FNBP4: variants seen among roughly 807,000 people sequenced by gnomAD.
The protein encoded by FNBP4 is formin binding protein 4.
Under a neutral mutation model 119.3 loss-of-function variants are expected in FNBP4, and 34 were observed. The observed-to-expected ratio is 0.28, with a 90% CI of 0.22 to 0.38. FNBP4 has a LOEUF of 0.38. Among genes scored for constraint, FNBP4 ranks in the 10% least tolerant of loss-of-function variants. FNBP4 has a pLI of 1.00. For missense variants in FNBP4, 1,112 were observed against 1,228.9 expected, an observed-to-expected ratio of 0.90 and a Z score of 1.42; for synonymous variants, 462 against 430.6, an observed-to-expected ratio of 1.07 and a Z score of -0.90.
intron 2 of FNBP4, among the ~76,000 whole-genome samples, chr11:47,755,141 TAAAAAA>T (rs35333558): frequency 8.1e-6 from 1 of 122,748 alleles, no homozygotes; most frequent in Non-Finnish European, 1.7e-5. Flanking sequence ...CTCCGGGGGT[TAAAAAA>T]AAAAAAAAAA....
intron 8 of FNBP4, among the ~76,000 whole-genome samples, chr11:47,742,314 A>G (rs2097583137): frequency 6.6e-6 from 1 of 151,454 alleles, no homozygotes. Flanking sequence ...TCCCATTTCC[A>G]CTAACAACAC....
chr11:47,717,639 T>A, intron 16 of FNBP4, 127 bp from the exon 17 acceptor site: 1 of 716,534 alleles, frequency 1.4e-6, no homozygotes. Context: ...ATGAAAATCT[T>A]TTGTTTCTCA....
At chr11:47,750,741 A>G (rs1203677206) in intron 6 of FNBP4, among the ~76,000 whole-genome samples, 175 bp downstream of exon 6, 3 of 150,196 alleles carry the variant, frequency 2.0e-5, no homozygotes, top group African/African-American at 7.3e-5. Context: ...AGAAAAAGTC[A>G]AGTGAGTAAC....
At chr11:47,725,121 A>G (rs1321114112) in intron 12 of FNBP4, 2 of 178,376 alleles carry the variant, frequency 1.1e-5, no homozygotes, top group Non-Finnish European at 2.3e-5. Context: ...AGAATATTAC[A>G]TCAACTCAAC....
At chr11:47,736,353 C>T (rs1252283909) in intron 9 of FNBP4, among the ~76,000 whole-genome samples, 1 of 151,934 alleles carries the variant, frequency 6.6e-6, no homozygotes, top group Non-Finnish European at 1.5e-5. Context: ...GCCAGGAGTT[C>T]GAGACCGGCC....
chr11:47,731,785 C>G (rs2097567710), intron 11 of FNBP4: 1 of 1,261,298 alleles, frequency 7.9e-7, no homozygotes, highest in South Asian at 3.1e-5. Flanking sequence ...AGCCCTGAAC[C>G]CTCTCACTCC....
intron 2 of FNBP4, among the ~76,000 whole-genome samples, chr11:47,759,237 G>C (rs1305578368): frequency 7.4e-6 from 1 of 134,780 alleles, no homozygotes; most frequent in Non-Finnish European, 1.5e-5. Context: ...TTGGTATGGA[G>C]TTTCGCTCTT....
chr11:47,744,768 T>C (rs922182609), intron 7 of FNBP4, among the ~76,000 whole-genome samples: 6 of 152,340 alleles, frequency 3.9e-5, no homozygotes, highest in Non-Finnish European at 8.8e-5. Flanking sequence ...TATTTTATAA[T>C]ATACAGTTAT....
chr11:47,720,189 G>T, intron 15 of FNBP4, 103 bp from the exon 16 acceptor site: 1 of 1,068,116 alleles, frequency 9.4e-7, no homozygotes, highest in Non-Finnish European at 1.3e-6. Flanking sequence ...TAAAGAATAT[G>T]CACACTTTAA....
chr11:47,734,982 C>CA (rs1192466123), intron 9 of FNBP4, among the ~76,000 whole-genome samples: 2 of 109,474 alleles, frequency 1.8e-5, no homozygotes, highest in Non-Finnish European at 4.2e-5. Flanking sequence ...CCCAACACCC[C>CA]CCCCCCCAAA....
Position 47,724,748 on chromosome 11 carries a change from T to G in FNBP4, c.2039A>C (p.Gln680Pro). The stretch of plus-strand genomic sequence containing the variant: ...TGGCATGAGTGATGAAGAAGAAACT[T>G]GACCAGAAAAGGATTCTTTACAAAG... ...GSLCKESFSG[Q>P]VSSSSLMPLT... Residue 680 changes from glutamine to proline, a missense_variant, in exon 13 of 17, where the codon CAA becomes CCA. Physicochemically the swap from Gln to Pro is moderately conservative, Grantham distance 76. Transcript: ENST00000263773. 1 of 1,575,588 alleles carries G rather than the reference T, an allele frequency of 6.3e-7. No homozygotes were observed. Among genetic ancestry groups the G allele is most frequent in the Non-Finnish European group, 8.6e-7 (1 of 1,159,864 alleles).
Position 47,723,361 on chromosome 11 carries a change from A to G in FNBP4, c.2465-45T>C, listed in dbSNP as rs777326115. The G allele has an allele frequency of 5.2e-6, 8 of 1,546,324 alleles. No individual in the cohort carries two copies. In the East Asian group the frequency reaches 1.8e-4, roughly 35 times the overall value. Reference sequence around the variant, plus strand: ...ATGATACTATAAAAAGGACATCATGACAAGAACAGATGCAATGAAAAGAGA... The same window carrying G: ...ATGATACTATAAAAAGGACATCATGGCAAGAACAGATGCAATGAAAAGAGA... On this transcript the variant is annotated intron_variant, in intron 14 of 16. Coordinates refer to ENST00000263773, the MANE Select transcript of FNBP4 (RefSeq NM_015308.5).
chr11:47,746,116 T>A lies in FNBP4; in HGVS notation c.1185A>T (p.Glu395Asp). ...EDLCSVVQSGESEEEEEQDTL... is the reference protein window; with the variant it reads ...EDLCSVVQSGDSEEEEEQDTL... ...TATCTTGTTCCTCTTCCTCCTCACT[T>A]TCTCCAGATTGGACAACACTGCAAA... The change falls in exon 7 of 17, where the codon GAA becomes GAT. Residue 395 changes from glutamate (E) to aspartate (D), a missense_variant. Physicochemically the swap from Glu to Asp is conservative, Grantham distance 45. Transcript: ENST00000263773. The A allele has an allele frequency of 6.2e-7, 1 of 1,612,558 alleles. No homozygotes were observed. Among genetic ancestry groups the A allele is most frequent in the Non-Finnish European group, 8.5e-7 (1 of 1,179,662 alleles).
rs759234807 is a variant in FNBP4, at chr11:47,750,987, A to T, written c.835T>A (p.Ser279Thr). 6.2e-6 allele frequency: 10 copies of T among 1,613,918 alleles called. No homozygotes were observed. The African/African-American group carries it at 1.3e-4, about 22-fold the overall frequency. Residue 279 changes from serine to threonine, a missense_variant, in exon 6 of 17, where the codon TCT becomes ACT. Transcript: ENST00000263773. ...TSFVVNTDIY[S>T]KEKTISVSSS... is the part of the protein sequence containing the mutation. Reference sequence around the variant, plus strand: ...GAAACAGAAATCGTTTTCTCCTTAGAATATATGTCTGTATTTACCACAAAA... The same window carrying T: ...GAAACAGAAATCGTTTTCTCCTTAGTATATATGTCTGTATTTACCACAAAA...
At chr11:47,760,700 C>T (rs1433129107) in intron 2 of FNBP4, among the ~76,000 whole-genome samples, 1 of 152,052 alleles carries the variant, frequency 6.6e-6, no homozygotes, top group Non-Finnish European at 1.5e-5. Flanking sequence ...TCCCAAAGTG[C>T]TGGGATCACA....
chr11:47,748,215 G>A (rs2097594681), intron 6 of FNBP4, among the ~76,000 whole-genome samples: 2 of 151,386 alleles, frequency 1.3e-5, no homozygotes, highest in East Asian at 3.9e-4. Flanking sequence ...CTCCAGCCTG[G>A]GTGACAGAGC....
chr11:47,717,620 T>A (rs2097551198), intron 16 of FNBP4, 108 bp from the exon 17 acceptor site: 1 of 783,758 alleles, frequency 1.3e-6, no homozygotes, highest in Admixed American at 2.4e-5. Flanking sequence ...ATCTATCACG[T>A]CTATGTTTAT....
At chr11:47,765,467 C>A in intron 1 of FNBP4, 105 bp from the exon 2 acceptor site, 1 of 782,622 alleles carries the variant, frequency 1.3e-6, no homozygotes, top group South Asian at 1.7e-5. Flanking sequence ...GACAAACCAA[C>A]CTTTGATTTA....
intron 12 of FNBP4, among the ~76,000 whole-genome samples, chr11:47,728,977 G>A (rs1446499490): frequency 7.3e-5 from 11 of 150,106 alleles, no homozygotes; most frequent in African/African-American, 1.2e-4. Flanking sequence ...CTCAGCCTCC[G>A]AGTAGCTGGG....
Sources: gnomAD v4.1 joint callset for allele counts (sites outside exome capture counted in the v4.1 genomes callset) on GRCh38, gnomAD v4.1.1 for gene constraint, MANE v1.5 for transcripts, NCBI Gene and HGNC (gene_info 2026-07-23, HGNC 2026-07-21) for gene names.